The following CTNND2 variants were observed in gnomAD, a reference collection of about 807,000 sequenced individuals.
The protein encoded by CTNND2 is catenin delta 2, also known as catenin delta-2.
In CTNND2, 22 loss-of-function variants were observed where a neutral mutation model predicts 144.4. The ratio of observed to expected loss-of-function variants is 0.15; its 90% confidence interval spans 0.11 to 0.22. The LOEUF (loss-of-function observed/expected upper bound fraction) is 0.22. CTNND2 is among the 10% of genes least tolerant of loss of function. CTNND2 has a pLI of 1.00. For synonymous variants in CTNND2, 751 were observed against 695.6 expected, an observed-to-expected ratio of 1.08 and a Z score of -1.25; for missense variants, 1,353 against 1,618.8, an observed-to-expected ratio of 0.84 and a Z score of 2.82.
chr5:11,191,431 T>C (rs1449124751), intron 11 of CTNND2, among the ~76,000 whole-genome samples: 5 of 152,212 alleles, frequency 3.3e-5, no homozygotes, highest in African/African-American at 4.8e-5. Context: ...GTTTCCATTA[T>C]GTAGGAAGGG....
At chr5:11,708,162 TCAGCCTCC>T (rs1002598178) in intron 2 of CTNND2, among the ~76,000 whole-genome samples, 1 of 152,032 alleles carries the variant, frequency 6.6e-6, no homozygotes, top group African/African-American at 2.4e-5. Context: ...CCCTCCCACT[TCAGCCTCC>T]CAAGTAGCTG....
intron 2 of CTNND2, chr5:11,588,790 G>C (rs1779036824): frequency 1.0e-6 from 1 of 985,114 alleles, no homozygotes; most frequent in Admixed American, 6.1e-5. Context: ...CTGTAGTCTA[G>C]GCAAACAAGA....
chr5:11,645,851 TTAA>T (rs1361231401), intron 2 of CTNND2, among the ~76,000 whole-genome samples: 1 of 152,178 alleles, frequency 6.6e-6, no homozygotes, highest in African/African-American at 2.4e-5. Context: ...TTCATCTATA[TTAA>T]TATTTATTTT....
At chr5:11,672,583 A>C (rs1247413022) in intron 2 of CTNND2, among the ~76,000 whole-genome samples, 1 of 152,052 alleles carries the variant, frequency 6.6e-6, no homozygotes, top group Non-Finnish European at 1.5e-5. Context: ...GAGGGTAAAA[A>C]TCACCCATTC....
chr5:11,134,791 C>T (rs956201595), intron 12 of CTNND2, among the ~76,000 whole-genome samples: 1 of 152,222 alleles, frequency 6.6e-6, no homozygotes, highest in African/African-American at 2.4e-5. Context: ...TACCAGATGG[C>T]TTGCACACAA....
chr5:11,259,554 C>A (rs1744646567), intron 9 of CTNND2, among the ~76,000 whole-genome samples: 1 of 152,180 alleles, frequency 6.6e-6, no homozygotes, highest in Non-Finnish European at 1.5e-5. Flanking sequence ...CCAGTCTACA[C>A]AGAGAATCAT....
At chr5:11,765,332 G>C (rs1469754568) in intron 1 of CTNND2, among the ~76,000 whole-genome samples, 1 of 152,190 alleles carries the variant, frequency 6.6e-6, no homozygotes, top group Non-Finnish European at 1.5e-5. Flanking sequence ...GTGGAGAAGG[G>C]GCAGTCCCAA....
intron 7 of CTNND2, among the ~76,000 whole-genome samples, chr5:11,383,877 A>G (rs1415951052): frequency 6.6e-6 from 1 of 152,250 alleles, no homozygotes; most frequent in Non-Finnish European, 1.5e-5. Context: ...TGGTGCTAAC[A>G]GCAGAGAGGC....
intron 1 of CTNND2, among the ~76,000 whole-genome samples, chr5:11,791,508 G>A (rs1467556519): frequency 6.6e-6 from 1 of 152,172 alleles, no homozygotes; most frequent in Non-Finnish European, 1.5e-5. Context: ...ATGCCACGAT[G>A]GCTACTTATG....
In CTNND2 at chr5:11,875,974, A is replaced by G. The variant is rs79842355; in HGVS notation, c.37+27843T>C. Among the ~76,000 whole-genome samples the G allele has an allele frequency of 2.3e-3, 348 of 152,332 alleles. 1 individual carries two copies. The highest frequency in any genetic ancestry group is 4.0e-3 in the Admixed American group (61 of 15,308). ...TCACAAGGAATATCCTTGATAAGGA[A>G]TAAAACAGATGAAATTGTGAAGAAA... On this transcript the variant is annotated intron_variant, in intron 1 of 21. Coordinates refer to ENST00000304623, the MANE Select transcript of CTNND2 (RefSeq NM_001332.4).
chr5:11,000,749 C>T (rs1739869943), intron 18 of CTNND2, among the ~76,000 whole-genome samples: 1 of 152,198 alleles, frequency 6.6e-6, no homozygotes, highest in Non-Finnish European at 1.5e-5. Context: ...AGCTCCATCT[C>T]AGCTTCTTTT....
intron 2 of CTNND2, among the ~76,000 whole-genome samples, chr5:11,707,193 T>G (rs560056596): frequency 2.2e-3 from 340 of 152,066 alleles, no homozygotes; most frequent in Non-Finnish European, 3.5e-3. Flanking sequence ...AATTGTTATA[T>G]GTATCAGTAA....
intron 1 of CTNND2, among the ~76,000 whole-genome samples, chr5:11,895,362 C>T (rs1737309986): frequency 6.6e-6 from 1 of 152,190 alleles, no homozygotes; most frequent in Non-Finnish European, 1.5e-5. Context: ...ACATACTCTG[C>T]TATGTATTTT....
intron 16 of CTNND2, among the ~76,000 whole-genome samples, chr5:11,027,459 C>A (rs578183274): frequency 2.0e-5 from 3 of 151,986 alleles, no homozygotes; most frequent in Non-Finnish European, 4.4e-5. Context: ...GTTACTTAGT[C>A]TCTAGTAACA....
At chr5:11,547,720 C>T (rs990213638) in intron 3 of CTNND2, among the ~76,000 whole-genome samples, 1 of 152,154 alleles carries the variant, frequency 6.6e-6, no homozygotes, top group East Asian at 1.9e-4. Context: ...TTTGCAACAA[C>T]AGCACCAAAA....
intron 1 of CTNND2, among the ~76,000 whole-genome samples, chr5:11,872,896 CTA>C: frequency 6.6e-6 from 1 of 152,226 alleles, no homozygotes; most frequent in East Asian, 1.9e-4. Context: ...CATAAAAACC[CTA>C]GAAGAAAACC....
intron 3 of CTNND2, among the ~76,000 whole-genome samples, chr5:11,547,102 C>T (rs919652395): frequency 6.6e-6 from 1 of 151,940 alleles, no homozygotes; most frequent in Admixed American, 6.6e-5. Context: ...AATCCCGTCT[C>T]TACTAAAAAT....
At chr5:11,095,968 C>T (rs926254469) in intron 15 of CTNND2, among the ~76,000 whole-genome samples, 3 of 151,880 alleles carry the variant, frequency 2.0e-5, no homozygotes, top group African/African-American at 7.3e-5. Context: ...TCTCTTTCTT[C>T]TCTCATTTGG....
chr5:11,795,697 G>A (rs4702830), intron 1 of CTNND2, among the ~76,000 whole-genome samples: 123,997 of 152,198 alleles, frequency 0.81, 54,921 homozygotes, highest in Non-Finnish European at 0.98. Context: ...GATTTCTTGG[G>A]AAGGAGAATA....
Sources: gnomAD v4.1 joint callset for allele counts (sites outside exome capture counted in the v4.1 genomes callset) on GRCh38, gnomAD v4.1.1 for gene constraint, MANE v1.5 for transcripts, NCBI Gene and HGNC (gene_info 2026-07-23, HGNC 2026-07-21) for gene names.